The following BBX variants were observed in gnomAD, a reference collection of about 807,000 sequenced individuals.
BBX encodes the protein HMG box transcription factor BBX.
Under a neutral mutation model 100.2 loss-of-function variants are expected in BBX, and 30 were observed. That is an observed-to-expected ratio of 0.30 (90% CI 0.22 to 0.41). The LOEUF (loss-of-function observed/expected upper bound fraction) is 0.41. Ranked by LOEUF, BBX falls within the 10% of genes least tolerant of loss-of-function variation. The pLI, the probability that BBX is intolerant of heterozygous loss-of-function variation, is 1.00. For synonymous variants in BBX, 376 were observed against 388.1 expected, an observed-to-expected ratio of 0.97 and a Z score of 0.37; for missense variants, 1,023 against 1,129.8, an observed-to-expected ratio of 0.91 and a Z score of 1.35.
At chr3:107,672,983 G>A (rs2059098185) in intron 3 of BBX, among the ~76,000 whole-genome samples, 1 of 152,010 alleles carries the variant, frequency 6.6e-6, no homozygotes, top group Non-Finnish European at 1.5e-5. Context: ...ATCTTGAACA[G>A]GTTCTAGGAC....
chr3:107,797,672 G>A (rs528269592), intron 15 of BBX, among the ~76,000 whole-genome samples: 2 of 151,906 alleles, frequency 1.3e-5, no homozygotes, highest in African/African-American at 2.4e-5. Context: ...AGGTCAGGAG[G>A]GGGTAAACTG....
chr3:107,603,179 T>C (rs1282187006), intron 2 of BBX, among the ~76,000 whole-genome samples: 1 of 152,008 alleles, frequency 6.6e-6, no homozygotes. Context: ...TTGGCCAGGA[T>C]GGTCTCGATC....
At chr3:107,581,818 A>G (rs2052299709) in intron 2 of BBX, among the ~76,000 whole-genome samples, 1 of 152,156 alleles carries the variant, frequency 6.6e-6, no homozygotes, top group African/African-American at 2.4e-5. Context: ...TATGTCCTCT[A>G]GGGAATAGTT....
chr3:107,626,986 C>T (rs1338303588), intron 2 of BBX, among the ~76,000 whole-genome samples: 1 of 152,078 alleles, frequency 6.6e-6, no homozygotes, highest in Non-Finnish European at 1.5e-5. Context: ...CATGACATTG[C>T]AGCTGGTATT....
chr3:107,635,864 A>G (rs941915160), intron 2 of BBX, among the ~76,000 whole-genome samples: 1 of 152,024 alleles, frequency 6.6e-6, no homozygotes, highest in African/African-American at 2.4e-5. Flanking sequence ...GGCGCCTGCC[A>G]CTACGCCTGA....
At chr3:107,565,483 A>G (rs538525785) in intron 2 of BBX, among the ~76,000 whole-genome samples, 1 of 148,400 alleles carries the variant, frequency 6.7e-6, no homozygotes, top group Non-Finnish European at 1.5e-5. Flanking sequence ...TTATTTATGT[A>G]TGTTTGAGAC....
intron 2 of BBX, among the ~76,000 whole-genome samples, chr3:107,562,416 T>C (rs938952488): frequency 1.3e-5 from 2 of 152,172 alleles, no homozygotes; most frequent in Non-Finnish European, 2.9e-5. Flanking sequence ...TTTAGACAAA[T>C]GCAGAATTTA....
chr3:107,718,408 G>A (rs1457569041), intron 5 of BBX, among the ~76,000 whole-genome samples: 4 of 150,944 alleles, frequency 2.6e-5, no homozygotes, highest in African/African-American at 9.7e-5. Context: ...ATCAATTACA[G>A]TAACCTACAT....
intron 2 of BBX, among the ~76,000 whole-genome samples, chr3:107,532,620 A>C (rs1249322790): frequency 2.0e-5 from 3 of 152,226 alleles, no homozygotes; most frequent in African/African-American, 7.2e-5. Context: ...ATCTCAAAAC[A>C]ATGTGAAAAC....
At chr3:107,615,447 T>C (rs748721730) in intron 2 of BBX, among the ~76,000 whole-genome samples, 27 of 152,152 alleles carry the variant, frequency 1.8e-4, no homozygotes, top group South Asian at 4.2e-4. Flanking sequence ...GGTTCATAGA[T>C]GGGATTTTTT....
chr3:107,622,477 C>T (rs190758308), intron 2 of BBX, among the ~76,000 whole-genome samples: 7 of 152,230 alleles, frequency 4.6e-5, no homozygotes, highest in Admixed American at 1.3e-4. Flanking sequence ...CCTGTACATG[C>T]GTGTTTATAT....
chr3:107,798,475 G>A (rs1156731608), intron 15 of BBX, 48 bp from the exon 16 acceptor site: 1 of 1,563,076 alleles, frequency 6.4e-7, no homozygotes, highest in Non-Finnish European at 8.8e-7. Flanking sequence ...AGCAATTTTG[G>A]TGCCTTCTGT....
chr3:107,625,365 C>G (rs891430903), intron 2 of BBX, among the ~76,000 whole-genome samples: 1 of 152,174 alleles, frequency 6.6e-6, no homozygotes, highest in African/African-American at 2.4e-5. Context: ...GCAACCTCCA[C>G]CACACACACA....
rs1418502986 is a variant in BBX at position 107,757,495 on chromosome 3, T to C, written c.906+1817T>C. 2.6e-5 allele frequency among the ~76,000 whole-genome samples: 4 copies of C among 152,306 alleles called. No individual in the cohort carries two copies. In the East Asian group the frequency reaches 7.7e-4, roughly 29 times the overall value. On this transcript the variant is annotated intron_variant, in intron 10 of 17. Coordinates refer to ENST00000325805, the MANE Select transcript of BBX (RefSeq NM_001142568.3). ...AAATCAGCTTATACCAAGACTGAGT[T>C]TCTTATGACATTTGAGCAAAGATTT...
intron 7 of BBX, 138 bp downstream of exon 7, chr3:107,733,161 C>G: frequency 1.3e-6 from 1 of 750,822 alleles, no homozygotes; most frequent in Non-Finnish European, 2.1e-6. Flanking sequence ...TCTTTAAGAT[C>G]TTTCTGTGTG....
intron 2 of BBX, among the ~76,000 whole-genome samples, chr3:107,557,774 A>G (rs1408061525): frequency 6.6e-6 from 1 of 152,254 alleles, no homozygotes; most frequent in South Asian, 2.1e-4. Flanking sequence ...TGTATGTAGT[A>G]CAGTGCATAC....
chr3:107,616,522 T>A (rs1334674454), intron 2 of BBX, among the ~76,000 whole-genome samples: 1 of 152,178 alleles, frequency 6.6e-6, no homozygotes, highest in Admixed American at 6.5e-5. Context: ...TGATCCAGTT[T>A]CTCTGTATCC....
chr3:107,571,745 A>G (rs2051381460), intron 2 of BBX, among the ~76,000 whole-genome samples: 1 of 152,348 alleles, frequency 6.6e-6, no homozygotes, highest in East Asian at 1.9e-4. Context: ...ACCACCAAAC[A>G]GGCTTTGTGT....
intron 3 of BBX, among the ~76,000 whole-genome samples, chr3:107,646,379 A>G (rs919051125): frequency 1.3e-5 from 2 of 152,148 alleles, no homozygotes; most frequent in Non-Finnish European, 1.5e-5. Flanking sequence ...AAATCACTTT[A>G]TATATGAAAA....
Sources: allele counts gnomAD v4.1 joint callset (sites outside exome capture counted in the v4.1 genomes callset), GRCh38; gene constraint gnomAD v4.1.1; transcripts MANE v1.5; gene names NCBI Gene and HGNC (gene_info 2026-07-23, HGNC 2026-07-21).